Variants in CREB3 observed in about 807,000 individuals in gnomAD.
CREB3 encodes the protein cyclic AMP-responsive element-binding protein 3.
A neutral mutation model predicts 34.5 loss-of-function variants in CREB3; 29 were observed. The observed-to-expected ratio is 0.84, with a 90% CI of 0.63 to 1.15. The LOEUF (loss-of-function observed/expected upper bound fraction) is 1.15. CREB3 is among the 50% of genes most tolerant of loss of function. The pLI is 0.00. For synonymous variants in CREB3, 187 were observed against 173.9 expected (o/e 1.08, Z -0.59); for missense variants, 447 against 443.4 (o/e 1.01, Z -0.07).
At chr9:35,734,290 G>A (rs1017874216) in intron 4 of CREB3, among the ~76,000 whole-genome samples, 1 of 152,156 alleles carries the variant, frequency 6.6e-6, no homozygotes, top group African/African-American at 2.4e-5. Flanking sequence ...GCAGTGTGAT[G>A]TGGCTACTAA....
chr9:35,734,838 C>T (rs942149817), intron 4 of CREB3, among the ~76,000 whole-genome samples: 10 of 152,228 alleles, frequency 6.6e-5, no homozygotes, highest in East Asian at 1.9e-4. Context: ...ACCGGTCCTC[C>T]TGTCTTAGCT....
Position 35,733,458 on chromosome 9 carries a change from T to C in CREB3, c.408T>C (p.Ile136=). 1 of 1,613,478 alleles carries C rather than the reference T, an allele frequency of 6.2e-7. No homozygotes were observed. The highest frequency in any genetic ancestry group is 8.5e-7 in the Non-Finnish European group (1 of 1,179,374). Residue 136 remains isoleucine (I), a synonymous_variant, in exon 4 of 9, where the codon ATT becomes ATC. Transcript: ENST00000353704. ...EKSLLEKEGL[I]LPETLPLTKT... is the part of the protein sequence containing the mutation. Reference sequence around the variant, plus strand: ...GTCTATTGGAGAAGGAGGGGCTTATTCTGCCTGAGACACTTCCTCTCACTA... The same window carrying C: ...GTCTATTGGAGAAGGAGGGGCTTATCCTGCCTGAGACACTTCCTCTCACTA...
Position 35,736,107 on chromosome 9 carries a change from C to CCAG in CREB3, c.683_685dup (p.Ser228dup), listed in dbSNP as rs778167912. 71 of 1,613,898 alleles carry CCAG rather than the reference C, an allele frequency of 4.4e-5. No individual in the cohort carries two copies. The highest frequency in any genetic ancestry group is 6.7e-5 in the Admixed American group (4 of 59,982). ...ATGGTGATTGAGATATCAAACAAAA[C>CCAG]CAGCAGCAGCAGCACCTGCATCTTG... On this transcript the variant is annotated inframe_insertion, in exon 7 of 9. Coordinates refer to ENST00000353704, the MANE Select transcript of CREB3 (RefSeq NM_006368.5).
rs182108271 is a variant in CREB3 at position 35,736,983 on chromosome 9, T to G, written c.*257T>G. On this transcript the variant is annotated 3_prime_UTR_variant, in exon 9 of 9. Coordinates refer to ENST00000353704, the MANE Select transcript of CREB3 (RefSeq NM_006368.5). ...GTCAGGGAACAGGTGAGGAAAGAAA[T>G]AAATAAGTGATTCTAATGCTGCCTA... 2.9e-4 allele frequency: 269 copies of G among 941,606 alleles called. 1 individual carries two copies. The highest frequency in any genetic ancestry group is 1.2e-3 in the South Asian group (67 of 57,624). 58.3% of individuals were successfully genotyped at this position (941,606 alleles called of 1,614,324 possible).
intron 4 of CREB3, among the ~76,000 whole-genome samples, chr9:35,733,922 A>C (rs1326191129): frequency 6.6e-6 from 1 of 152,202 alleles, no homozygotes; most frequent in Admixed American, 6.5e-5. Flanking sequence ...CTTCACAAGC[A>C]GAGTACTGGG....
rs1826112001 is a variant in CREB3, at chr9:35,732,712, G to T, written c.-61G>T. 2 of 1,561,124 alleles carry T rather than the reference G, an allele frequency of 1.3e-6. No homozygotes were observed. The highest frequency in any genetic ancestry group is 1.7e-6 in the Non-Finnish European group (2 of 1,155,182). ...GCCCGAGGCCTACAGCTGGCCTGGG[G>T]CTCGTGTCTGGGCTTCGGACGTTGG... is the stretch of plus-strand genomic sequence containing the variant. On this transcript the variant is annotated 5_prime_UTR_variant, in exon 1 of 9. Transcript: ENST00000353704. This position sits in a 1 kb window ranked among gnomAD's most constrained non-coding sequence, Gnocchi z 5.1.
At position 35,736,958 on chromosome 9, in the gene CREB3, G is replaced by A; in HGVS notation, c.*232G>A. Reference sequence around the variant, plus strand: ...CTGACCTCCCTGAACATTTCACGCAGTCAGGGAACAGGTGAGGAAAGAAAT... The same window carrying A: ...CTGACCTCCCTGAACATTTCACGCAATCAGGGAACAGGTGAGGAAAGAAAT... On this transcript the variant is annotated 3_prime_UTR_variant, in exon 9 of 9. Coordinates refer to ENST00000353704, the MANE Select transcript of CREB3 (RefSeq NM_006368.5). 1.2e-6 allele frequency: 1 copy of A among 819,560 alleles called. No individual in the cohort carries two copies. Among genetic ancestry groups the A allele is most frequent in the East Asian group, 2.7e-5 (1 of 37,362 alleles). 50.8% of individuals were successfully genotyped at this position (819,560 alleles called of 1,614,324 possible).
At chr9:35,734,963 G>A in intron 4 of CREB3, 146 bp from the exon 5 acceptor site, 3 of 659,412 alleles carry the variant, frequency 4.5e-6, no homozygotes, top group Non-Finnish European at 7.8e-6. Context: ...CTGGTCCGTG[G>A]AGGCATTCAG....
At position 35,732,713 on chromosome 9, in the gene CREB3, C is replaced by A; in HGVS notation, c.-60C>A. 1.3e-6 allele frequency: 2 copies of A among 1,561,086 alleles called. No individual in the cohort carries two copies. Among genetic ancestry groups the A allele is most frequent in the South Asian group, 1.2e-5 (1 of 81,872 alleles). On this transcript the variant is annotated 5_prime_UTR_variant, in exon 1 of 9. Coordinates refer to ENST00000353704, the MANE Select transcript of CREB3 (RefSeq NM_006368.5). This position sits in a 1 kb window ranked among gnomAD's most constrained non-coding sequence, Gnocchi z 5.1. Reference sequence around the variant, plus strand: ...CCCGAGGCCTACAGCTGGCCTGGGGCTCGTGTCTGGGCTTCGGACGTTGGG... The same window carrying A: ...CCCGAGGCCTACAGCTGGCCTGGGGATCGTGTCTGGGCTTCGGACGTTGGG...
Position 35,736,862 on chromosome 9 carries a change from T to TTAA in CREB3, c.*138_*140dup. On this transcript the variant is annotated 3_prime_UTR_variant, in exon 9 of 9. Coordinates refer to ENST00000353704, the MANE Select transcript of CREB3 (RefSeq NM_006368.5). ...GACTGAGGGCTCAAACACACCACACTTAATGGCTTTCTGGGTCTTTTATTT... is the reference window on the plus strand; with the variant it reads ...GACTGAGGGCTCAAACACACCACACTTAATAATGGCTTTCTGGGTCTTTTATTT... 1 of 836,416 alleles carries TTAA rather than the reference T, an allele frequency of 1.2e-6. No homozygotes were observed. The highest frequency in any genetic ancestry group is 1.9e-6 in the Non-Finnish European group (1 of 538,876). 51.8% of individuals were successfully genotyped at this position (836,416 alleles called of 1,614,324 possible).
At position 35,732,683 on chromosome 9, in the gene CREB3, A is replaced by G. The variant is rs1444077792; in HGVS notation, c.-90A>G. On this transcript the variant is annotated 5_prime_UTR_variant, in exon 1 of 9. It adds an upstream start codon to the 5' untranslated region. Coordinates refer to ENST00000353704, the MANE Select transcript of CREB3 (RefSeq NM_006368.5). The surrounding 1 kb of genome is among the most constrained non-coding windows in gnomAD (Gnocchi z 5.1). Reference sequence around the variant, plus strand: ...TCCCGGCCGTAGAGGGACAGTGGATAGGTGCCCGAGGCCTACAGCTGGCCT... The same window carrying G: ...TCCCGGCCGTAGAGGGACAGTGGATGGGTGCCCGAGGCCTACAGCTGGCCT... The G allele has an allele frequency of 2.0e-6, 3 of 1,512,714 alleles. No individual in the cohort carries two copies. The African/African-American group carries it at 4.2e-5, about 21-fold the overall frequency. 93.7% of individuals were successfully genotyped at this position (1,512,714 alleles called of 1,614,324 possible).
In CREB3 at chr9:35,736,597, C is replaced by T. The variant is rs1418879769; in HGVS notation, c.987C>T (p.Phe329=). 3.1e-6 allele frequency: 5 copies of T among 1,614,098 alleles called. No homozygotes were observed. Among genetic ancestry groups the T allele is most frequent in the Non-Finnish European group, 4.2e-6 (5 of 1,180,036 alleles). The change falls in exon 9 of 9, where the codon TTC becomes TTT. Residue 329 remains phenylalanine (F), a synonymous_variant. Transcript: ENST00000353704. ...CAGAGCCTCCCCTGGAGTGGCCATT[C>T]CCTGACCTCTTCTCAGAGCCTCTCT... ...PSAEPPLEWP[F]PDLFSEPLCR...
chr9:35,733,422 T>G lies in CREB3; in HGVS notation c.372T>G (p.Asp124Glu), dbSNP rs910020616. ...EQEIARLVLT[D>E]EEKSLLEKEG... ...AGATTGCTAGGCTAGTACTGACAGA[T>G]GAGGAGAAGAGTCTATTGGAGAAGG... The change falls in exon 4 of 9, where the codon GAT (aspartate) becomes GAG (glutamate). Residue 124 changes from aspartate (D) to glutamate (E), a missense_variant. Transcript: ENST00000353704. The G allele has an allele frequency of 6.2e-7, 1 of 1,613,914 alleles. No individual in the cohort carries two copies. Among genetic ancestry groups the G allele is most frequent in the African/African-American group, 1.3e-5 (1 of 75,024 alleles).
Position 35,736,138 on chromosome 9 carries a change from G to A in CREB3, c.696+6G>A, listed in dbSNP as rs1214027481. On this transcript the variant is annotated splice_donor_region_variant and intron_variant, in intron 7 of 8. Coordinates refer to ENST00000353704, the MANE Select transcript of CREB3 (RefSeq NM_006368.5). ...GCAGCAGCACCTGCATCTTGGTGAG[G>A]ATGGTGATGAGGGGAGAAATCCTTT... The A allele has an allele frequency of 6.2e-7, 1 of 1,613,814 alleles. No individual in the cohort carries two copies. The highest frequency in any genetic ancestry group is 8.5e-7 in the Non-Finnish European group (1 of 1,179,678).
chr9:35,735,049 C>T (rs902556283), intron 4 of CREB3, 60 bp from the exon 5 acceptor site: 34 of 1,361,778 alleles, frequency 2.5e-5, no homozygotes, highest in South Asian at 5.2e-5. Context: ...ATCTCAGTTG[C>T]GTTTCAACTC....
At chr9:35,735,261 G>C (rs755782549) in intron 5 of CREB3, 45 bp from the exon 6 acceptor site, 43 of 1,608,278 alleles carry the variant, frequency 2.7e-5, no homozygotes, top group Middle Eastern at 3.3e-4. Context: ...GGTTTTTGAA[G>C]GGAGGATACA....
In CREB3 at chr9:35,736,335, C is replaced by T. The variant is rs753986041; in HGVS notation, c.781+24C>T. 8 of 1,613,610 alleles carry T rather than the reference C, an allele frequency of 5.0e-6. No homozygotes were observed. The East Asian group carries it at 1.3e-4, about 27-fold the overall frequency. On this transcript the variant is annotated intron_variant, in intron 8 of 8. Transcript: ENST00000353704. ...AGGTAAGAGGCTTAAGGATAGCTCT[C>T]AGACAGGGCAAGGGGAGAGGTCTGG...
At chr9:35,734,741 G>A (rs117905244) in intron 4 of CREB3, among the ~76,000 whole-genome samples, 1,758 of 152,264 alleles carry the variant, frequency 0.012, 13 homozygotes, top group Non-Finnish European at 0.02. Context: ...CCACAGGCAT[G>A]TGCCACCACA....
Position 35,736,430 on chromosome 9 carries a change from C to T in CREB3, c.820C>T (p.Pro274Ser). Residue 274 changes from proline (P) to serine (S), a missense_variant, in exon 9 of 9, where the codon CCT becomes TCT. Pro to Ser is a moderately conservative substitution (Grantham distance 74, BLOSUM62 -1). Coordinates refer to ENST00000353704, the MANE Select transcript of CREB3 (RefSeq NM_006368.5). The part of the protein sequence containing the change: ...RQLRALPSED[P>S]YQLELPALQS... Reference sequence around the variant, plus strand: ...GCTTCGTGCCCTCCCCAGTGAGGACCCTTACCAGCTGGAGCTGCCTGCCCT... The same window carrying T: ...GCTTCGTGCCCTCCCCAGTGAGGACTCTTACCAGCTGGAGCTGCCTGCCCT... 6.2e-7 allele frequency: 1 copy of T among 1,614,092 alleles called. No homozygotes were observed. Among genetic ancestry groups the T allele is most frequent in the Non-Finnish European group, 8.5e-7 (1 of 1,180,036 alleles).
Sources: allele counts gnomAD v4.1 joint callset (sites outside exome capture counted in the v4.1 genomes callset), GRCh38; gene constraint gnomAD v4.1.1; non-coding constraint Gnocchi (gnomAD v3.1); transcripts MANE v1.5; gene names NCBI Gene and HGNC (gene_info 2026-07-23, HGNC 2026-07-21).